The following STX2 variants were observed in gnomAD, a reference collection of about 807,000 sequenced individuals.
STX2 encodes syntaxin-2.
A neutral mutation model predicts 40.6 loss-of-function variants in STX2; 27 were observed. The ratio of observed to expected loss-of-function variants is 0.66; its 90% CI spans 0.49 to 0.92. The LOEUF is 0.92. Ranked by LOEUF, STX2 falls within the 40% of genes least tolerant of loss-of-function variation. The probability of loss-of-function intolerance (pLI) is 0.00; values close to 1 mark genes in which losing one functional copy is unlikely to be tolerated. For synonymous variants in STX2, 123 were observed against 119.1 expected (o/e 1.03, Z -0.22); for missense variants, 328 against 366.1 (o/e 0.90, Z 0.85).
At chr12:130,815,887 A>T (rs1212920811) in intron 3 of STX2, among the ~76,000 whole-genome samples, 2 of 152,136 alleles carry the variant, frequency 1.3e-5, no homozygotes, top group African/African-American at 4.8e-5. Flanking sequence ...ATGTTTTTTT[A>T]AAATCATGGA....
intron 1 of STX2, among the ~76,000 whole-genome samples, chr12:130,834,417 G>A (rs1952686589): frequency 6.6e-6 from 1 of 151,278 alleles, no homozygotes; most frequent in Admixed American, 6.6e-5. Context: ...GAGAAGTCCA[G>A]TGGTTCAGAC....
At position 130,818,666 on chromosome 12, in the gene STX2, ATGGAGACG is replaced by A. The variant is rs1555222460; in HGVS notation, c.205+3015_205+3022del. Among the ~76,000 whole-genome samples the A allele has an allele frequency of 6.1e-4, 55 of 89,540 alleles. 1 individual carries two copies. Among genetic ancestry groups the A allele is most frequent in the Non-Finnish European group, 7.6e-4 (27 of 35,424 alleles). The allele number at this position is 89,540 out of a possible 152,430, so 58.7% of individuals were successfully genotyped here. On this transcript the variant is annotated intron_variant, in intron 3 of 10. Coordinates refer to ENST00000392373, the MANE Select transcript of STX2 (RefSeq NM_194356.4). The stretch of plus-strand genomic sequence containing the variant: ...GCAGGCGGCGCTGGAGATGGAGACG[ATGGAGACG>A]GTGCAGACGGTGCAGACGCTGCCCC...
chr12:130,803,685 A>C (rs35493982), intron 6 of STX2, among the ~76,000 whole-genome samples: 44,546 of 138,760 alleles, frequency 0.32, 7,386 homozygotes, highest in African/African-American at 0.39. Flanking sequence ...AAAAAAAAAA[A>C]AAAACAAACT....
At chr12:130,818,591 C>A (rs1357736772) in intron 3 of STX2, among the ~76,000 whole-genome samples, 1 of 152,270 alleles carries the variant, frequency 6.6e-6, no homozygotes, top group Non-Finnish European at 1.5e-5. Flanking sequence ...CACAAGGAGC[C>A]GGGTCTCCAT....
chr12:130,829,403 GACGGCAGAGCAGAAA>G (rs1397675660), intron 1 of STX2, among the ~76,000 whole-genome samples: 1 of 152,192 alleles, frequency 6.6e-6, no homozygotes, highest in Non-Finnish European at 1.5e-5. Flanking sequence ...CACTCGCAGG[GACGGCAGAGCAGAAA>G]ACGGCCTGTG....
intron 1 of STX2, 93 bp downstream of exon 1, chr12:130,838,977 C>A: frequency 1.8e-6 from 2 of 1,091,176 alleles, no homozygotes; most frequent in Non-Finnish European, 2.4e-6. Flanking sequence ...TGGGGACCCT[C>A]CCGGAGCCCC....
chr12:130,831,931 C>T (rs559348980), intron 1 of STX2, among the ~76,000 whole-genome samples: 194 of 145,152 alleles, frequency 1.3e-3, no homozygotes, highest in Non-Finnish European at 2.5e-3. Flanking sequence ...AGTGCAGTAG[C>T]GTGATCACAG....
chr12:130,822,340 C>T (rs1027035555), intron 2 of STX2, among the ~76,000 whole-genome samples: 1 of 151,974 alleles, frequency 6.6e-6, no homozygotes, highest in African/African-American at 2.4e-5. Context: ...TCGCTTGAAT[C>T]GGGAGGCAGA....
At chr12:130,802,922 A>G (rs984449108) in intron 6 of STX2, among the ~76,000 whole-genome samples, 2 of 152,228 alleles carry the variant, frequency 1.3e-5, no homozygotes, top group African/African-American at 4.8e-5. Context: ...AGGAGTAAAA[A>G]GTAGAATGCA....
intron 1 of STX2, among the ~76,000 whole-genome samples, chr12:130,827,877 C>CT (rs1346776967): frequency 6.6e-6 from 1 of 152,172 alleles, no homozygotes; most frequent in Non-Finnish European, 1.5e-5. Context: ...GTCCCAGCTA[C>CT]TTAGGAGGCT....
intron 1 of STX2, among the ~76,000 whole-genome samples, chr12:130,833,525 C>G (rs536319077): frequency 2.0e-5 from 3 of 151,692 alleles, no homozygotes; most frequent in Non-Finnish European, 2.9e-5. Context: ...ATTCTCTCAC[C>G]TCAGCTTCCC....
At position 130,808,617 on chromosome 12, in the gene STX2, G is replaced by A; in HGVS notation, c.354+14C>T. The stretch of plus-strand genomic sequence containing the variant: ...TGCGACATTACTTTAATCTAAACGA[G>A]GCTGATAGCAAACCTGGGTTCTTCG... On this transcript the variant is annotated intron_variant, in intron 5 of 10. Transcript: ENST00000392373. 1.2e-6 allele frequency: 2 copies of A among 1,609,892 alleles called. No homozygotes were observed. The highest frequency in any genetic ancestry group is 8.5e-7 in the Non-Finnish European group (1 of 1,178,472).
At chr12:130,815,166 G>A (rs1046767090) in intron 3 of STX2, among the ~76,000 whole-genome samples, 5 of 152,206 alleles carry the variant, frequency 3.3e-5, no homozygotes, top group Non-Finnish European at 5.9e-5. Flanking sequence ...GGGTCATTTC[G>A]TGATTCTCCT....
Position 130,818,185 on chromosome 12 carries a change from A to AAAAAAATAT in STX2, c.205+3503_205+3504insATATTTTTT. Among the ~76,000 whole-genome samples the AAAAAAATAT allele has an allele frequency of 6.2e-4, 44 of 70,538 alleles. 1 individual carries two copies. The highest frequency in any genetic ancestry group is 4.9e-3 in the African/African-American group (41 of 8,420). The allele number at this position is 70,538 out of a possible 152,430, so 46.3% of individuals were successfully genotyped here. ...GCTGTTTCTACAAAAAAAAAAAAAA[A>AAAAAAATAT]ATATATATATATATATATATATATA... is the stretch of plus-strand genomic sequence containing the variant. On this transcript the variant is annotated intron_variant, in intron 3 of 10. Coordinates refer to ENST00000392373, the MANE Select transcript of STX2 (RefSeq NM_194356.4).
At chr12:130,799,276 C>T (rs1445979383) in intron 8 of STX2, among the ~76,000 whole-genome samples, 1 of 152,194 alleles carries the variant, frequency 6.6e-6, no homozygotes, top group Non-Finnish European at 1.5e-5. Flanking sequence ...TAATCTCTGA[C>T]TATGCACACA....
intron 8 of STX2, 137 bp from the exon 9 acceptor site, chr12:130,798,772 C>T (rs1951117338): frequency 1.9e-6 from 1 of 535,748 alleles, no homozygotes; most frequent in Non-Finnish European, 3.1e-6. Flanking sequence ...TTCACATTTA[C>T]AGAAAGATAA....
intron 2 of STX2, among the ~76,000 whole-genome samples, chr12:130,823,535 A>C (rs1301480196): frequency 1.3e-5 from 2 of 152,220 alleles, no homozygotes. Flanking sequence ...CAACGTTGGA[A>C]GAAGGACACT....
intron 1 of STX2, among the ~76,000 whole-genome samples, chr12:130,832,643 G>A (rs78405090): frequency 0.014 from 2,148 of 152,310 alleles, 30 homozygotes; most frequent in Middle Eastern, 0.031. Context: ...CCTAGAGAGC[G>A]TGAACTAGAG....
chr12:130,791,721 A>G lies in STX2; in HGVS notation c.*302T>C, dbSNP rs569903782. ...GTCACGCATCACACCCACTGTGCTT[A>G]CGGCGCTGTCACTGAACAAGACGTT... On this transcript the variant is annotated 3_prime_UTR_variant, in exon 11 of 11. Transcript: ENST00000392373. 165 of 579,728 alleles carry G rather than the reference A, an allele frequency of 2.8e-4. 8 individuals carry two copies. The South Asian group carries it at 3.5e-3, about 12-fold the overall frequency. 35.9% of individuals were successfully genotyped at this position (579,728 alleles called of 1,614,324 possible).
Sources: allele counts gnomAD v4.1 joint callset (sites outside exome capture counted in the v4.1 genomes callset), GRCh38; gene constraint gnomAD v4.1.1; transcripts MANE v1.5; gene names NCBI Gene and HGNC (gene_info 2026-07-23, HGNC 2026-07-21).